Variants in SUN1 observed in about 807,000 individuals in gnomAD.
SUN1 encodes SUN domain-containing protein 1.
SUN1 carries 61 observed loss-of-function variants against 103.2 expected under a neutral mutation model. The observed-to-expected ratio is 0.59, with a 90% CI of 0.48 to 0.73. SUN1 has a LOEUF of 0.73. Ranked by LOEUF, SUN1 falls within the 30% of genes least tolerant of loss-of-function variation. SUN1 has a pLI of 0.00. For missense variants in SUN1, 1,052 were observed against 1,034.6 expected (o/e 1.02, Z -0.23); for synonymous variants, 490 against 425.7 (o/e 1.15, Z -1.86).
In SUN1 at chr7:851,389, T is replaced by A. The variant is rs768636240; in HGVS notation, c.664T>A (p.Phe222Ile). 1.9e-6 allele frequency: 3 copies of A among 1,601,008 alleles called. No homozygotes were observed. The highest frequency in any genetic ancestry group is 2.6e-6 in the Non-Finnish European group (3 of 1,173,730). ...CACACGTCTTCCCTGCACAGGTTAC[T>A]TCTTGCTGCAGATTCTGCGCAGGAT... ...YSRDRNQKCY[F>I]LLQILRRIGA... The change falls in exon 6 of 19, where the codon TTC becomes ATC. Residue 222 changes from phenylalanine to isoleucine, a missense_variant. Around this residue, in one of 2 missense-constraint regions of SUN1, gnomAD observed 846 missense variants for 774.5 expected, o/e 1.09. Coordinates refer to ENST00000401592, the MANE Select transcript of SUN1 (RefSeq NM_001130965.3).
At chr7:852,336 G>A in intron 7 of SUN1, 1 of 596,984 alleles carries the variant, frequency 1.7e-6, no homozygotes, top group African/African-American at 1.9e-5. Flanking sequence ...AGTGGCATCA[G>A]TCACCTCAGA....
chr7:871,037 C>T (rs974385427), intron 17 of SUN1, among the ~76,000 whole-genome samples: 8 of 151,662 alleles, frequency 5.3e-5, no homozygotes, highest in African/African-American at 9.7e-5. Context: ...ATTACAGGCG[C>T]GTGCCACCAC....
chr7:856,912 T>C (rs1043749670), intron 12 of SUN1, among the ~76,000 whole-genome samples: 1 of 152,178 alleles, frequency 6.6e-6, no homozygotes, highest in African/African-American at 2.4e-5. Context: ...CGTGTCACGG[T>C]GGGCCTCTCC....
At chr7:829,019 G>A (rs1795457538), upstream of SUN1, among the ~76,000 whole-genome samples, 1 of 152,224 alleles carries the variant, frequency 6.6e-6, no homozygotes, top group Admixed American at 6.5e-5. Context: ...CCAAAGCCAT[G>A]CCAGGCATGA....
chr7:821,272 T>G (rs1316896706), intron 1 of SUN1, among the ~76,000 whole-genome samples: 2 of 146,342 alleles, frequency 1.4e-5, no homozygotes, highest in Non-Finnish European at 3.0e-5. Flanking sequence ...CATGTTCAAG[T>G]GATTCTCCGG....
At position 851,349 on chromosome 7, in the gene SUN1, G is replaced by A. The variant is rs559762828; in HGVS notation, c.659-35G>A. The A allele has an allele frequency of 1.9e-4, 300 of 1,543,840 alleles. 5 individuals are homozygous for A. In the South Asian group the frequency reaches 2.6e-3, roughly 13 times the overall value. On this transcript the variant is annotated intron_variant, in intron 5 of 18. Transcript: ENST00000401592. Reference sequence around the variant, plus strand: ...GTCACTGCAGAGGCTGGTCCCTGGCGTCTGTCTGAGGCCACACACGTCTTC... The same window carrying A: ...GTCACTGCAGAGGCTGGTCCCTGGCATCTGTCTGAGGCCACACACGTCTTC...
At chr7:823,312 G>C (rs180767559) in intron 1 of SUN1, among the ~76,000 whole-genome samples, 25 of 152,332 alleles carry the variant, frequency 1.6e-4, no homozygotes, top group African/African-American at 5.8e-4. Context: ...GTGAGTGCTA[G>C]AATTGACAGT....
At chr7:863,374 T>TCACCAGCGCCA (rs1833858552) in intron 15 of SUN1, among the ~76,000 whole-genome samples, 14 of 151,952 alleles carry the variant, frequency 9.2e-5, no homozygotes, top group Admixed American at 2.6e-4. Context: ...TGCCCGGGGT[T>TCACCAGCGCCA]GTGTGCTGCC....
intron 6 of SUN1, chr7:851,730 C>G: frequency 1.6e-6 from 1 of 626,394 alleles, no homozygotes; most frequent in Non-Finnish European, 2.8e-6. Context: ...GCAGAGAATG[C>G]ATGGATCTGG....
chr7:824,876 G>A (rs1486137267), intron 1 of SUN1, among the ~76,000 whole-genome samples: 1 of 152,126 alleles, frequency 6.6e-6, no homozygotes, highest in African/African-American at 2.4e-5. Flanking sequence ...GGGGGCGTCC[G>A]CTGGCTGGGT....
chr7:830,212 G>C (rs1796654856), upstream of SUN1, among the ~76,000 whole-genome samples: 1 of 152,234 alleles, frequency 6.6e-6, no homozygotes, highest in South Asian at 2.1e-4. Context: ...GGAGAGCGCA[G>C]AGCACCTGCC....
intron 14 of SUN1, 87 bp from the exon 15 acceptor site, chr7:861,293 G>A (rs1832019636): frequency 2.3e-6 from 3 of 1,303,034 alleles, no homozygotes; most frequent in Non-Finnish European, 2.2e-6. Context: ...TCTAATGTAA[G>A]TGTCTGGTCC....
At chr7:867,126 C>T (rs756684319) in intron 16 of SUN1, among the ~76,000 whole-genome samples, 3 of 152,224 alleles carry the variant, frequency 2.0e-5, no homozygotes, top group African/African-American at 4.8e-5. Flanking sequence ...ATCATGATCT[C>T]GTCCCCAGGC....
At chr7:832,394 G>A (rs1562541613), upstream of SUN1, 1 of 874,676 alleles carries the variant, frequency 1.1e-6, no homozygotes, top group Admixed American at 2.0e-5. Flanking sequence ...TGTGAGTTTT[G>A]AGGGTGACCT....
In SUN1 at chr7:866,457, C is replaced by T. The variant is rs1836657718; in HGVS notation, c.1980+390C>T. On this transcript the variant is annotated intron_variant, in intron 16 of 18. Coordinates refer to ENST00000401592, the MANE Select transcript of SUN1 (RefSeq NM_001130965.3). The stretch of plus-strand genomic sequence containing the variant: ...TTGAGAGACAATAGGTGGGGAGGCC[C>T]TAGCTGTCTGGCCTCGGCATGGGCC... Among the ~76,000 whole-genome samples the T allele has an allele frequency of 2.6e-5, 4 of 152,196 alleles. No homozygotes were observed. In the South Asian group the frequency reaches 8.3e-4, roughly 31 times the overall value.
rs991342394 is a variant in SUN1 at position 849,461 on chromosome 7, G to C, written c.659-1923G>C. ...GATCATGTTGACTTCATCAGGGTGCGAGAAGCACTTGAGCTTGGCGTCGGT... is the reference window on the plus strand; with the variant it reads ...GATCATGTTGACTTCATCAGGGTGCCAGAAGCACTTGAGCTTGGCGTCGGT... On this transcript the variant is annotated intron_variant, in intron 5 of 18. Coordinates refer to ENST00000401592, the MANE Select transcript of SUN1 (RefSeq NM_001130965.3). The C allele has an allele frequency of 1.2e-5, 15 of 1,262,888 alleles. No homozygotes were observed. The South Asian group carries it at 1.8e-4, about 16-fold the overall frequency. 78.2% of individuals were successfully genotyped at this position (1,262,888 alleles called of 1,614,324 possible).
In SUN1 at chr7:866,031, G is replaced by A. The variant is rs749357651; in HGVS notation, c.1944G>A (p.Leu648=). 4 of 1,614,184 alleles carry A rather than the reference G, an allele frequency of 2.5e-6. No homozygotes were observed. Among genetic ancestry groups the A allele is most frequent in the Non-Finnish European group, 2.5e-6 (3 of 1,180,016 alleles). Reference sequence around the variant, plus strand: ...TGATGAGTCTGTTTGGGATCCCGCTGTGGTACTTCTCGCAGTCCCCGCGCG... The same window carrying A: ...TGATGAGTCTGTTTGGGATCCCGCTATGGTACTTCTCGCAGTCCCCGCGCG... The part of the protein sequence containing the change: ...TALMSLFGIP[L]WYFSQSPRVV... The change falls in exon 16 of 19, where the codon CTG becomes CTA. Residue 648 remains leucine (L), a synonymous_variant. Transcript: ENST00000401592.
At chr7:823,457 TAGG>T (rs770508876) in intron 1 of SUN1, among the ~76,000 whole-genome samples, 31 of 146,180 alleles carry the variant, frequency 2.1e-4, no homozygotes, top group Non-Finnish European at 4.0e-4. Flanking sequence ...GATCAGGAAA[TAGG>T]AGGGCACCTC....
chr7:851,621 T>C, intron 6 of SUN1, 139 bp downstream of exon 6: 1 of 785,192 alleles, frequency 1.3e-6, no homozygotes, highest in East Asian at 2.7e-5. Context: ...TCTCGTTCTT[T>C]ATGACGTAGC....
Sources: allele counts gnomAD v4.1 joint callset (sites outside exome capture counted in the v4.1 genomes callset), GRCh38; gene constraint gnomAD v4.1.1; regional missense constraint gnomAD v4.1.1; transcripts MANE v1.5; gene names NCBI Gene and HGNC (gene_info 2026-07-23, HGNC 2026-07-21).